Variants in MINDY2 observed in about 807,000 individuals in gnomAD.
MINDY2 encodes ubiquitin carboxyl-terminal hydrolase MINDY-2.
MINDY2 carries 52 observed loss-of-function variants against 68.2 expected under a neutral mutation model. The observed-to-expected ratio is 0.76, with a 90% CI of 0.61 to 0.96. The LOEUF is 0.96. Ranked by LOEUF, MINDY2 falls within the 40% of genes least tolerant of loss-of-function variation. MINDY2 has a pLI of 0.00. For synonymous variants in MINDY2, 372 were observed against 303.0 expected, an observed-to-expected ratio of 1.23 and a Z score of -2.36; for missense variants, 881 against 773.4, an observed-to-expected ratio of 1.14 and a Z score of -1.65.
chr15:58,775,607 G>C (rs1437425793), intron 1 of MINDY2, among the ~76,000 whole-genome samples: 1 of 152,138 alleles, frequency 6.6e-6, no homozygotes, highest in Admixed American at 6.6e-5. Flanking sequence ...ATAATGTAGC[G>C]TTCCCAATGA....
intron 6 of MINDY2, among the ~76,000 whole-genome samples, chr15:58,834,032 G>A (rs1440160551): frequency 2.0e-5 from 3 of 152,142 alleles, no homozygotes; most frequent in Non-Finnish European, 4.4e-5. Context: ...GGGTACTTGA[G>A]ATTAGGGAGT....
intron 4 of MINDY2, among the ~76,000 whole-genome samples, chr15:58,814,341 G>A (rs1231763091): frequency 6.6e-6 from 1 of 151,410 alleles, no homozygotes; most frequent in Non-Finnish European, 1.5e-5. Context: ...CATGTCTTTT[G>A]CCCACTTTCT....
intron 8 of MINDY2, among the ~76,000 whole-genome samples, chr15:58,853,650 C>A (rs1233077067): frequency 6.6e-6 from 1 of 151,574 alleles, no homozygotes; most frequent in Admixed American, 6.6e-5. Flanking sequence ...GAAACCCTGT[C>A]ACTACTAAAA....
At chr15:58,817,299 C>T (rs1478561963) in intron 4 of MINDY2, among the ~76,000 whole-genome samples, 11 of 152,156 alleles carry the variant, frequency 7.2e-5, no homozygotes, top group Admixed American at 6.5e-4. Flanking sequence ...GAGCAAATGA[C>T]TTGAATAGGC....
At chr15:58,824,671 C>CTTTTT (rs559754099) in intron 5 of MINDY2, among the ~76,000 whole-genome samples, 1 of 135,182 alleles carries the variant, frequency 7.4e-6, no homozygotes, top group Non-Finnish European at 1.6e-5. Context: ...ATCATATTAT[C>CTTTTT]TTTTTTTTTT....
chr15:58,774,480 G>A (rs1183518021), intron 1 of MINDY2, among the ~76,000 whole-genome samples: 8 of 129,942 alleles, frequency 6.2e-5, no homozygotes, highest in East Asian at 2.2e-4. Context: ...GTGAAACCCC[G>A]TCCCAAAAAA....
At chr15:58,828,886 A>G (rs2031565460) in intron 5 of MINDY2, among the ~76,000 whole-genome samples, 1 of 152,098 alleles carries the variant, frequency 6.6e-6, no homozygotes, top group Non-Finnish European at 1.5e-5. Flanking sequence ...ATATTTTCAA[A>G]TATAGTAATC....
intron 5 of MINDY2, among the ~76,000 whole-genome samples, chr15:58,829,270 A>T (rs1339648995): frequency 6.6e-6 from 1 of 152,212 alleles, no homozygotes; most frequent in Non-Finnish European, 1.5e-5. Flanking sequence ...ATTACGAAAC[A>T]TTGTTTTTTC....
At chr15:58,836,200 G>A (rs1245836717) in intron 6 of MINDY2, among the ~76,000 whole-genome samples, 8 of 151,622 alleles carry the variant, frequency 5.3e-5, no homozygotes, top group South Asian at 2.1e-4. Context: ...GTGAGCGACC[G>A]CACCCGGCCT....
chr15:58,858,692 G>C lies in MINDY2; in HGVS notation c.*4082G>C, dbSNP rs547441447. 1 of 152,142 alleles carries C rather than the reference G, an allele frequency of 6.6e-6. No homozygotes were observed. Among genetic ancestry groups the C allele is most frequent in the Non-Finnish European group, 1.5e-5 (1 of 67,960 alleles). 9.4% of individuals were successfully genotyped at this position (152,142 alleles called of 1,614,324 possible). A position where few individuals can be genotyped will look rare whatever the true frequency, so the allele number is the denominator to read the frequency against. ...TTAACTTTTCCTATTCCATGCACAA[G>C]TTACCTTAAAACATGATAAAAACCT... On this transcript the variant is annotated 3_prime_UTR_variant, in exon 9 of 9. Transcript: ENST00000559228.
chr15:58,776,869 T>A (rs1453276452), intron 1 of MINDY2, among the ~76,000 whole-genome samples: 2 of 151,434 alleles, frequency 1.3e-5, no homozygotes, highest in Non-Finnish European at 2.9e-5. Flanking sequence ...TAAAAAAAAA[T>A]TATAATAAGG....
At position 58,771,392 on chromosome 15, in the gene MINDY2, C is replaced by T. The variant is rs765450984; in HGVS notation, c.-4C>T. Reference sequence around the variant, plus strand: ...TCCATAGAGCTGGGGGCGGGCGGCCCGGTATGGAGAGCAGCCCCGAGAGCC... The same window carrying T: ...TCCATAGAGCTGGGGGCGGGCGGCCTGGTATGGAGAGCAGCCCCGAGAGCC... On this transcript the variant is annotated 5_prime_UTR_variant, in exon 1 of 9. Transcript: ENST00000559228. 3.1e-6 allele frequency: 5 copies of T among 1,604,186 alleles called. No individual in the cohort carries two copies. In the African/African-American group the frequency reaches 4.0e-5, roughly 13 times the overall value.
chr15:58,852,922 G>GTTTTTTTTTTT (rs746154698), intron 8 of MINDY2, among the ~76,000 whole-genome samples: 2 of 48,966 alleles, frequency 4.1e-5, no homozygotes, highest in African/African-American at 1.5e-4. Context: ...TGCTGTTCCT[G>GTTTTTTTTTTT]TTTTTTTTTT....
Position 58,771,703 on chromosome 15 carries a change from G to A in MINDY2, c.308G>A (p.Arg103Lys), listed in dbSNP as rs1595689028. Residue 103 changes from arginine (R) to lysine (K), a missense_variant, in exon 1 of 9, where the codon AGA becomes AAA. Transcript: ENST00000559228. ...CCTGCTGCCGCCGAGGCGCCTCTGA[G>A]AGGGCAGTACAAGGTGACCGCCTCC... ...ESPAAAEAPL[R>K]GQYKVTASPE... is the part of the protein sequence containing the mutation. 3 of 1,612,434 alleles carry A rather than the reference G, an allele frequency of 1.9e-6. No individual in the cohort carries two copies.
chr15:58,860,768 A>G lies in MINDY2; in HGVS notation c.*6158A>G, dbSNP rs1461862598. On this transcript the variant is annotated 3_prime_UTR_variant, in exon 9 of 9. Coordinates refer to ENST00000559228, the MANE Select transcript of MINDY2 (RefSeq NM_001040450.3). ...TGCAACATGTTTTAAGACAAACAGT[A>G]TTTAATCCTTGAAGACCTGTCTTGT... 1 of 152,186 alleles carries G rather than the reference A, an allele frequency of 6.6e-6. No homozygotes were observed. Among genetic ancestry groups the G allele is most frequent in the Non-Finnish European group, 1.5e-5 (1 of 68,034 alleles). The allele number at this position is 152,186 out of a possible 1,614,324, so 9.4% of individuals were successfully genotyped here.
At chr15:58,812,639 C>T (rs1320518331) in intron 4 of MINDY2, among the ~76,000 whole-genome samples, 1 of 152,092 alleles carries the variant, frequency 6.6e-6, no homozygotes, top group Non-Finnish European at 1.5e-5. Flanking sequence ...GCAAGAGGAC[C>T]ACTTGGGCCC....
At chr15:58,798,448 G>GT (rs1902427534) in intron 2 of MINDY2, among the ~76,000 whole-genome samples, 1 of 132,874 alleles carries the variant, frequency 7.5e-6, no homozygotes, top group African/African-American at 3.2e-5. Flanking sequence ...TTTTAATGCA[G>GT]TAAAAAAAAA....
chr15:58,804,505 C>A (rs1902885256), intron 3 of MINDY2, among the ~76,000 whole-genome samples: 1 of 151,870 alleles, frequency 6.6e-6, no homozygotes, highest in Admixed American at 6.6e-5. Context: ...ATGAGAAAAT[C>A]TTAATTTTCG....
intron 2 of MINDY2, among the ~76,000 whole-genome samples, chr15:58,789,125 C>T (rs1383907393): frequency 6.6e-6 from 1 of 152,216 alleles, no homozygotes; most frequent in African/African-American, 2.4e-5. Context: ...ATCACAAGGT[C>T]AGGAGATCAA....
Sources: gnomAD v4.1 joint callset for allele counts (sites outside exome capture counted in the v4.1 genomes callset) on GRCh38, gnomAD v4.1.1 for gene constraint, MANE v1.5 for transcripts, NCBI Gene and HGNC (gene_info 2026-07-23, HGNC 2026-07-21) for gene names.